Variants in RINL observed in about 807,000 individuals in gnomAD.
RINL encodes the protein Ras and Rab interactor like, also known as ras and Rab interactor-like protein.
A neutral mutation model predicts 58.1 loss-of-function variants in RINL; 39 were observed. The ratio of observed to expected loss-of-function variants is 0.67; its 90% CI spans 0.52 to 0.88. The LOEUF (loss-of-function observed/expected upper bound fraction) is 0.88. Among genes scored for constraint, RINL ranks in the 40% least tolerant of loss-of-function variants. The probability of loss-of-function intolerance (pLI) is 0.00; values close to 1 mark genes in which losing one functional copy is unlikely to be tolerated. For missense variants in RINL, 711 were observed against 749.2 expected (o/e 0.95, Z 0.60); for synonymous variants, 286 against 323.1 (o/e 0.89, Z 1.23).
rs1486903180 is a variant in RINL at position 38,870,131 on chromosome 19, G to A, written c.1154C>T (p.Ala385Val). 7.1e-7 allele frequency: 1 copy of A among 1,414,702 alleles called. No individual in the cohort carries two copies. Among genetic ancestry groups the A allele is most frequent in the Non-Finnish European group, 9.1e-7 (1 of 1,094,768 alleles). 87.6% of individuals were successfully genotyped at this position (1,414,702 alleles called of 1,614,324 possible). The change falls in exon 9 of 12, where the codon GCG (alanine) becomes GTG (valine). Residue 385 changes from alanine to valine, a missense_variant. Physicochemically the swap from Ala to Val is moderately conservative, Grantham distance 64 (BLOSUM62 0). Transcript: ENST00000591812. The surrounding 1 kb of genome is among the most constrained non-coding windows in gnomAD (Gnocchi z 5.8). Reference sequence around the variant, plus strand: ...CTGTGCCCCCGGAGGCCCCGCCCCCGCCCGCAGGGCTGTCTGTCGCCGCCG... The same window carrying A: ...CTGTGCCCCCGGAGGCCCCGCCCCCACCCGCAGGGCTGTCTGTCGCCGCCG... ...RLRRRQTALR[A>V]GAGPPGAQGP... is the part of the protein sequence containing the mutation.
In RINL at chr19:38,870,570, C is replaced by G. The variant is rs770295375; in HGVS notation, c.1024G>C (p.Gly342Arg). ...GGCTCCCTTCCAGTCCTCCCATTAC[C>G]TGGATCCTCGTCCTTCTTGGGGAGC... is the stretch of plus-strand genomic sequence containing the variant. ...PGLPKKDEDP[G>R]PALETAVCQA... Residue 342 changes from glycine to arginine, a missense_variant and splice_region_variant, in exon 8 of 12, where the codon GGC (glycine) becomes CGC (arginine). Transcript: ENST00000591812. This position sits in a 1 kb window ranked among gnomAD's most constrained non-coding sequence, Gnocchi z 5.8. 5 of 1,560,374 alleles carry G rather than the reference C, an allele frequency of 3.2e-6. No individual in the cohort carries two copies. In the Admixed American group the frequency reaches 5.8e-5, roughly 18 times the overall value.
At position 38,876,463 on chromosome 19, in the gene RINL, T is replaced by C. The variant is rs1972928115; in HGVS notation, c.78A>G (p.Ala26=). Residue 26 remains alanine, a synonymous_variant, in exon 3 of 12, where the codon GCA becomes GCG. Coordinates refer to ENST00000591812, the MANE Select transcript of RINL (RefSeq NM_001195833.2). ...VRLVPPQVNK[A]DRTPLGVLST... ...TGAGGACCCCTAGAGGGGTCCTGTC[T>C]GCTTTGTTCACCTGTGGTGGGACCA... The C allele has an allele frequency of 6.5e-7, 1 of 1,536,100 alleles. No individual in the cohort carries two copies.
rs937606298 is a variant in RINL at position 38,870,454 on chromosome 19, C to T, written c.1024+116G>A. Reference sequence around the variant, plus strand: ...TTGCGCGCATACGTGGGCGATAGAACGCGTGGGATGTGTAGGAAGGGCGTG... The same window carrying T: ...TTGCGCGCATACGTGGGCGATAGAATGCGTGGGATGTGTAGGAAGGGCGTG... On this transcript the variant is annotated intron_variant, in intron 8 of 11. Transcript: ENST00000591812. The surrounding 1 kb of genome is among the most constrained non-coding windows in gnomAD (Gnocchi z 5.8). 3 of 1,256,886 alleles carry T rather than the reference C, an allele frequency of 2.4e-6. No individual in the cohort carries two copies. Among genetic ancestry groups the T allele is most frequent in the South Asian group, 1.6e-5 (1 of 63,472 alleles). 77.9% of individuals were successfully genotyped at this position (1,256,886 alleles called of 1,614,324 possible). A position where few individuals can be genotyped will look rare whatever the true frequency, so the allele number is the denominator to read the frequency against.
rs1366892108 is a variant in RINL at position 38,876,700 on chromosome 19, C to G, written c.43G>C (p.Gly15Arg). The G allele has an allele frequency of 6.5e-7, 1 of 1,536,092 alleles. No homozygotes were observed. Among genetic ancestry groups the G allele is most frequent in the Middle Eastern group, 1.7e-4 (1 of 5,990 alleles). ...CAGCCCTAGTAGCCTCACCTCACCC[C>G]CTCTGTGGGGACTTCAGGTGCCTTG... ...EDKAPEVPTE[G>R]VRLVPPQVNK... Residue 15 changes from glycine to arginine, a missense_variant, in exon 2 of 12, where the codon GGG (glycine) becomes CGG (arginine). By Grantham distance (125) the Gly-to-Arg change is moderately radical. Transcript: ENST00000591812.
Position 38,871,143 on chromosome 19 carries a change from CTG to C in RINL, c.534_535del (p.His178GlnfsTer21). On this transcript the variant is annotated frameshift_variant, in exon 7 of 12. Transcript: ENST00000591812. LOFTEE classifies it high-confidence loss of function. ...AGGGGTCTGCTCCCTCCCCCAGCCT[CTG>C]TGGGTCTCCAGGTAGAGCTGGTTCA... 1 of 1,613,932 alleles carries C rather than the reference CTG, an allele frequency of 6.2e-7. No homozygotes were observed. Among genetic ancestry groups the C allele is most frequent in the Non-Finnish European group, 8.5e-7 (1 of 1,179,900 alleles).
rs1252744005 is a variant in RINL at position 38,870,105 on chromosome 19, C to G, written c.1180G>C (p.Gly394Arg). The G allele has an allele frequency of 6.9e-7, 1 of 1,446,040 alleles. No homozygotes were observed. Among genetic ancestry groups the G allele is most frequent in the Middle Eastern group, 1.9e-4 (1 of 5,304 alleles). 89.6% of individuals were successfully genotyped at this position (1,446,040 alleles called of 1,614,324 possible). A position where few individuals can be genotyped will look rare whatever the true frequency, so the allele number is the denominator to read the frequency against. Residue 394 changes from glycine to arginine, a missense_variant, in exon 9 of 12, where the codon GGG becomes CGG. Coordinates refer to ENST00000591812, the MANE Select transcript of RINL (RefSeq NM_001195833.2). This position sits in a 1 kb window ranked among gnomAD's most constrained non-coding sequence, Gnocchi z 5.8. The stretch of plus-strand genomic sequence containing the variant: ...GGGCTCTGCCCTTCCGGTCCCGGCC[C>G]CTGTGCCCCCGGAGGCCCCGCCCCC... ...RAGAGPPGAQ[G>R]PGPEGQSPAP...
In RINL at chr19:38,870,675, G is replaced by T. The variant is rs749779818; in HGVS notation, c.919C>A (p.Arg307=). The T allele has an allele frequency of 3.1e-6, 5 of 1,613,458 alleles. No individual in the cohort carries two copies. The African/African-American group carries it at 5.3e-5, about 17-fold the overall frequency. Residue 307 remains arginine (R), a synonymous_variant, in exon 8 of 12, where the codon CGG becomes AGG. Transcript: ENST00000591812. The surrounding 1 kb of genome is among the most constrained non-coding windows in gnomAD (Gnocchi z 5.8). ...TCCTGGAGGTCAGTAAGGAGGTGCC[G>T]CACATCCTGAAGCAGCTCCGTGGCC... ...DPATELLQDV[R]HLLTDLQDHL... is the part of the protein sequence containing the mutation.
At chr19:38,877,978 C>T (rs1178511234) in intron 1 of RINL, among the ~76,000 whole-genome samples, 1 of 152,170 alleles carries the variant, frequency 6.6e-6, no homozygotes, top group Non-Finnish European at 1.5e-5. Flanking sequence ...TACATTAGGC[C>T]ATTGACCAGA....
intron 1 of RINL, among the ~76,000 whole-genome samples, chr19:38,877,878 G>C (rs1280842444): frequency 6.6e-6 from 1 of 152,224 alleles, no homozygotes; most frequent in East Asian, 1.9e-4. Flanking sequence ...CCTGGAGAGA[G>C]GGTGATGAAC....
In RINL at chr19:38,868,841, C is replaced by A; in HGVS notation, c.*263G>T. ...CCACTCTGCTCCTCCCTTCCCCTCC[C>A]CTCCTTCAGGCCTTTCTGCAGATGT... On this transcript the variant is annotated 3_prime_UTR_variant, in exon 12 of 12. Coordinates refer to ENST00000591812, the MANE Select transcript of RINL (RefSeq NM_001195833.2). 1 of 398,356 alleles carries A rather than the reference C, an allele frequency of 2.5e-6. No individual in the cohort carries two copies. Among genetic ancestry groups the A allele is most frequent in the Non-Finnish European group, 4.6e-6 (1 of 219,374 alleles). 24.7% of individuals were successfully genotyped at this position (398,356 alleles called of 1,614,324 possible).
At chr19:38,871,931 T>C (rs1972825079) in intron 4 of RINL, 61 bp from the exon 5 acceptor site, 1 of 1,290,038 alleles carries the variant, frequency 7.8e-7, no homozygotes, top group East Asian at 2.4e-5. Context: ...TTCTGTCCCC[T>C]GGGATGCTCT....
At chr19:38,876,234 C>T (rs1972921534) in intron 3 of RINL, 97 bp downstream of exon 3, 2 of 1,255,288 alleles carry the variant, frequency 1.6e-6, no homozygotes, top group African/African-American at 1.5e-5. Flanking sequence ...AATAAATAGC[C>T]TTTTTGGTTT....
intron 6 of RINL, 136 bp downstream of exon 6, chr19:38,871,511 G>T: frequency 1.2e-6 from 1 of 830,962 alleles, no homozygotes; most frequent in Non-Finnish European, 1.9e-6. Flanking sequence ...ACAAAGTCCA[G>T]GCCCCCAGCT....
Position 38,868,974 on chromosome 19 carries a change from T to G in RINL, c.*130A>C. ...ACGCCCGGCTAATTTTTGTTTTTTTTTTTTTTTGGTAGATGGGGGTCCCAC... is the reference window on the plus strand; with the variant it reads ...ACGCCCGGCTAATTTTTGTTTTTTTGTTTTTTTGGTAGATGGGGGTCCCAC... On this transcript the variant is annotated 3_prime_UTR_variant, in exon 12 of 12. Transcript: ENST00000591812. 2.5e-6 allele frequency: 2 copies of G among 802,230 alleles called. No individual in the cohort carries two copies. The highest frequency in any genetic ancestry group is 3.0e-5 in the Admixed American group (1 of 33,590). The allele number at this position is 802,230 out of a possible 1,614,324, so 49.7% of individuals were successfully genotyped here.
intron 7 of RINL, 34 bp downstream of exon 7, chr19:38,871,044 C>A (rs765957265): frequency 1.3e-6 from 2 of 1,579,590 alleles, no homozygotes; most frequent in South Asian, 1.2e-5. Context: ...GCAGCTCCCT[C>A]CCCTTCAGAG....
chr19:38,877,162 G>A (rs1395944042), intron 1 of RINL, among the ~76,000 whole-genome samples: 1 of 152,092 alleles, frequency 6.6e-6, no homozygotes, highest in African/African-American at 2.4e-5. Flanking sequence ...TGATCCCCCC[G>A]CCTCGGCCTC....
intron 1 of RINL, among the ~76,000 whole-genome samples, chr19:38,877,927 T>G (rs1296254620): frequency 6.6e-6 from 1 of 152,172 alleles, no homozygotes; most frequent in Non-Finnish European, 1.5e-5. Flanking sequence ...CATTCTTGTT[T>G]GGGGCAGGTG....
chr19:38,871,666 C>T lies in RINL; in HGVS notation c.432G>A (p.Gly144=). ...CCTCACCTGTGTGTTCATCTCTGGG[C>T]CCTAGAGTGGGAGGGGGCAAGAGCA... The part of the protein sequence containing the change: ...RTLLLPPPTL[G]PRDEHTDPVQ... Residue 144 remains glycine, a synonymous_variant, in exon 6 of 12, where the codon GGG becomes GGA. Coordinates refer to ENST00000591812, the MANE Select transcript of RINL (RefSeq NM_001195833.2). 6.2e-7 allele frequency: 1 copy of T among 1,614,018 alleles called. No homozygotes were observed. The highest frequency in any genetic ancestry group is 8.5e-7 in the Non-Finnish European group (1 of 1,179,972).
chr19:38,877,317 T>C (rs1251928446), intron 1 of RINL, among the ~76,000 whole-genome samples: 1 of 152,040 alleles, frequency 6.6e-6, no homozygotes, highest in Non-Finnish European at 1.5e-5. Flanking sequence ...AAACAATAGC[T>C]CTTTACTGAA....
Sources: allele counts gnomAD v4.1 joint callset (sites outside exome capture counted in the v4.1 genomes callset), GRCh38; gene constraint gnomAD v4.1.1; non-coding constraint Gnocchi (gnomAD v3.1); transcripts MANE v1.5; gene names NCBI Gene and HGNC (gene_info 2026-07-23, HGNC 2026-07-21).